DNAH2: variants seen among roughly 807,000 people sequenced by gnomAD.
The protein encoded by DNAH2 is dynein axonemal heavy chain 2.
Under a neutral mutation model 523.5 loss-of-function variants are expected in DNAH2, and 323 were observed. That is an observed-to-expected ratio of 0.62 (90% CI 0.56 to 0.68). The LOEUF is 0.68. Ranked by LOEUF, DNAH2 falls within the 30% of genes least tolerant of loss-of-function variation. The pLI, the probability that DNAH2 is intolerant of heterozygous loss-of-function variation, is 0.00. For missense variants in DNAH2, 4,907 were observed against 5,701.5 expected (o/e 0.86, Z 4.49); for synonymous variants, 2,093 against 2,177.4 (o/e 0.96, Z 1.08).
Position 7,798,068 on chromosome 17 carries a change from T to G in DNAH2, c.8231-89T>G. ...TACCTCTTGGTTCCTCTGCTTCAGT[T>G]TCAGGGGCCCCAATCCCTAGCCTAG... On this transcript the variant is annotated intron_variant, in intron 53 of 85. Coordinates refer to ENST00000572933, the MANE Select transcript of DNAH2 (RefSeq NM_020877.5). The surrounding 1 kb of genome is among the most constrained non-coding windows in gnomAD (Gnocchi z 5.5). The G allele has an allele frequency of 6.7e-7, 1 of 1,488,152 alleles. No homozygotes were observed. The highest frequency in any genetic ancestry group is 8.9e-7 in the Non-Finnish European group (1 of 1,117,576). The allele number at this position is 1,488,152 out of a possible 1,614,324, so 92.2% of individuals were successfully genotyped here.
At chr17:7,777,920 T>A (rs1353508754) in intron 33 of DNAH2, among the ~76,000 whole-genome samples, 157 bp from the exon 34 acceptor site, 1 of 152,160 alleles carries the variant, frequency 6.6e-6, no homozygotes, top group Non-Finnish European at 1.5e-5. Flanking sequence ...TTTTCCATCT[T>A]GCCCATAAAC....
At chr17:7,808,399 G>A (rs546908201) in intron 63 of DNAH2, among the ~76,000 whole-genome samples, 2 of 151,154 alleles carry the variant, frequency 1.3e-5, no homozygotes, top group East Asian at 1.9e-4. Context: ...GCATGCATAA[G>A]TGACTCCTGA....
At chr17:7,727,316 C>A in intron 4 of DNAH2, 24 bp downstream of exon 4, 1 of 1,590,318 alleles carries the variant, frequency 6.3e-7, no homozygotes, top group South Asian at 1.2e-5. Context: ...ATTCCCAGAT[C>A]AAAGGTGGTC....
chr17:7,766,286 G>T, intron 21 of DNAH2, 32 bp from the exon 22 acceptor site: 2 of 1,601,848 alleles, frequency 1.2e-6, no homozygotes, highest in Non-Finnish European at 8.5e-7. Flanking sequence ...GACGTGAGCG[G>T]GAAGCTGAGC....
rs145112814 is a variant in DNAH2 at position 7,778,174 on chromosome 17, C to A, written c.5345C>A (p.Thr1782Lys). Residue 1782 changes from threonine to lysine, a missense_variant, in exon 34 of 86, where the codon ACG becomes AAG. Around this residue, in one of 3 missense-constraint regions of DNAH2, gnomAD observed 2,806 missense variants for 3,190.8 expected, o/e 0.88. Transcript: ENST00000572933. ...NSGRLVITPL[T>K]DRCYMTLTTA... is the part of the protein sequence containing the mutation. Reference sequence around the variant, plus strand: ...GGCCGGCTCGTCATCACCCCCCTGACGGACAGGTCTGCCATGTGGGATGAA... The same window carrying A: ...GGCCGGCTCGTCATCACCCCCCTGAAGGACAGGTCTGCCATGTGGGATGAA... 2 of 1,614,110 alleles carry A rather than the reference C, an allele frequency of 1.2e-6. No homozygotes were observed. The highest frequency in any genetic ancestry group is 1.6e-4 in the Middle Eastern group (1 of 6,084).
At chr17:7,782,620 C>T (rs2076630489) in intron 39 of DNAH2, among the ~76,000 whole-genome samples, 1 of 152,030 alleles carries the variant, frequency 6.6e-6, no homozygotes, top group Non-Finnish European at 1.5e-5. Context: ...GAATGGGAGC[C>T]AGAAGAACAA....
At position 7,742,973 on chromosome 17, in the gene DNAH2, G is replaced by A; in HGVS notation, c.1735G>A (p.Glu579Lys). 6 of 1,489,300 alleles carry A rather than the reference G, an allele frequency of 4.0e-6. No individual in the cohort carries two copies. The highest frequency in any genetic ancestry group is 5.3e-6 in the Non-Finnish European group (6 of 1,122,104). The allele number at this position is 1,489,300 out of a possible 1,614,324, so 92.3% of individuals were successfully genotyped here. ...CCTGCCCCGTATTGGGACTGGAAAG[G>A]AGAGTGTGCACACCTATCAGCAGAT... is the stretch of plus-strand genomic sequence containing the variant. ...HFLPRIGTGK[E>K]SVHTYQQMVQ... is the part of the protein sequence containing the mutation. Residue 579 changes from glutamate to lysine, a missense_variant, in exon 12 of 86, where the codon GAG becomes AAG. Physicochemically the swap from Glu to Lys is moderately conservative, Grantham distance 56 (BLOSUM62 1). Coordinates refer to ENST00000572933, the MANE Select transcript of DNAH2 (RefSeq NM_020877.5).
intron 31 of DNAH2, among the ~76,000 whole-genome samples, chr17:7,776,494 G>T (rs1326790313): frequency 1.3e-5 from 2 of 151,940 alleles, no homozygotes; most frequent in African/African-American, 4.8e-5. Context: ...AAGAAATGAA[G>T]AAATGAGGGA....
At chr17:7,727,585 A>G (rs371397559) in intron 4 of DNAH2, among the ~76,000 whole-genome samples, 48 of 152,086 alleles carry the variant, frequency 3.2e-4, no homozygotes, top group African/African-American at 9.4e-4. Flanking sequence ...GTGAAACCCC[A>G]TCTCTACTAA....
chr17:7,793,143 C>T lies in DNAH2; in HGVS notation c.7507C>T (p.Arg2503Cys), dbSNP rs139846922. ...FGSQPPLELIRLWIDYGFWYD... is the reference protein window; with the variant it reads ...FGSQPPLELICLWIDYGFWYD... Reference sequence around the variant, plus strand: ...GTCCCAGCCACCCCTGGAGCTGATCCGCCTCTGGATTGACTATGGCTTCTG... The same window carrying T: ...GTCCCAGCCACCCCTGGAGCTGATCTGCCTCTGGATTGACTATGGCTTCTG... Residue 2503 changes from arginine (R) to cysteine (C), a missense_variant, in exon 48 of 86, where the codon CGC becomes TGC. By Grantham distance (180) the Arg-to-Cys change is radical. Transcript: ENST00000572933. The T allele has an allele frequency of 6.8e-6, 11 of 1,614,080 alleles. No homozygotes were observed. Among genetic ancestry groups the T allele is most frequent in the South Asian group, 5.5e-5 (5 of 91,092 alleles).
At chr17:7,768,966 G>A (rs1286261167) in intron 24 of DNAH2, among the ~76,000 whole-genome samples, 1 of 152,120 alleles carries the variant, frequency 6.6e-6, no homozygotes, top group Non-Finnish European at 1.5e-5. Context: ...CACTTAGGGT[G>A]ATTCCACATC....
Position 7,770,776 on chromosome 17 carries a change from C to T in DNAH2, c.4205C>T (p.Ala1402Val). Reference sequence around the variant, plus strand: ...AGAGGTACAGAAGAAGTATTCCAGGCACTGGAAGATAACCAGGTAGCTCTG... The same window carrying T: ...AGAGGTACAGAAGAAGTATTCCAGGTACTGGAAGATAACCAGGTAGCTCTG... ...RLRGTEEVFQALEDNQVALST... is the reference protein window; with the variant it reads ...RLRGTEEVFQVLEDNQVALST... The change falls in exon 27 of 86, where the codon GCA (alanine) becomes GTA (valine). Residue 1402 changes from alanine (A) to valine (V), a missense_variant. Ala to Val is a moderately conservative substitution (Grantham distance 64). This residue lies in a region of DNAH2 where 2,806 missense variants were observed against 3,190.8 expected (regional missense o/e 0.88). Coordinates refer to ENST00000572933, the MANE Select transcript of DNAH2 (RefSeq NM_020877.5). 6.2e-7 allele frequency: 1 copy of T among 1,614,124 alleles called. No homozygotes were observed.
In DNAH2 at chr17:7,821,486, A is replaced by C. The variant is rs2077854147; in HGVS notation, c.11142+117A>C. 1.4e-6 allele frequency: 2 copies of C among 1,381,700 alleles called. No homozygotes were observed. The highest frequency in any genetic ancestry group is 2.6e-5 in the East Asian group (1 of 38,358). The allele number at this position is 1,381,700 out of a possible 1,614,324, so 85.6% of individuals were successfully genotyped here. ...GCCCACAGCATCAGTGAGTGAGCTG[A>C]GAAAATCCAGGCCAGCATCAGGTGC... On this transcript the variant is annotated intron_variant, in intron 73 of 85. Transcript: ENST00000572933. The surrounding 1 kb of genome is among the most constrained non-coding windows in gnomAD (Gnocchi z 5.0).
At chr17:7,721,464 G>A (rs1411436496) in intron 2 of DNAH2, among the ~76,000 whole-genome samples, 11 of 152,058 alleles carry the variant, frequency 7.2e-5, no homozygotes, top group South Asian at 2.1e-4. Context: ...GTGAGCCACC[G>A]CACCCAGTCT....
At chr17:7,733,065 T>C in intron 4 of DNAH2, 22 bp from the exon 5 acceptor site, 1 of 1,611,134 alleles carries the variant, frequency 6.2e-7, no homozygotes, top group Non-Finnish European at 8.5e-7. Flanking sequence ...GACTGAACTC[T>C]GATCTGCTGT....
At chr17:7,739,604 CTTCT>C in intron 8 of DNAH2, 125 bp from the exon 9 acceptor site, 11 of 904,286 alleles carry the variant, frequency 1.2e-5, no homozygotes, top group Non-Finnish European at 1.5e-5. Context: ...ATATTTTCTT[CTTCT>C]TTTTTTTTTT....
Position 7,831,643 on chromosome 17 carries a change from C to G in DNAH2, c.12612-18C>G. On this transcript the variant is annotated intron_variant, in intron 81 of 85. Coordinates refer to ENST00000572933, the MANE Select transcript of DNAH2 (RefSeq NM_020877.5). The surrounding 1 kb of genome is among the most constrained non-coding windows in gnomAD (Gnocchi z 4.2). Reference sequence around the variant, plus strand: ...CCAGGCCCACCTCATCTCTAACACTCCACCTCATCCTGCTCAGGTTCTCAC... The same window carrying G: ...CCAGGCCCACCTCATCTCTAACACTGCACCTCATCCTGCTCAGGTTCTCAC... 6.2e-7 allele frequency: 1 copy of G among 1,613,576 alleles called. No individual in the cohort carries two copies.
intron 12 of DNAH2, among the ~76,000 whole-genome samples, chr17:7,753,510 GC>G (rs1325236535): frequency 6.6e-6 from 1 of 152,184 alleles, no homozygotes; most frequent in South Asian, 2.1e-4. Flanking sequence ...TGTATCCCCA[GC>G]GCCTAGCTGA....
At position 7,786,433 on chromosome 17, in the gene DNAH2, C is replaced by T. The variant is rs1418442314; in HGVS notation, c.6348+91C>T. ...GGGGCCAGGGAGGACCTTGCAAGGC[C>T]GGGAGAGCTGTACCTGGGACCATGG... is the stretch of plus-strand genomic sequence containing the variant. On this transcript the variant is annotated intron_variant, in intron 40 of 85. Transcript: ENST00000572933. The surrounding 1 kb of genome is among the most constrained non-coding windows in gnomAD (Gnocchi z 7.5). 2.4e-5 allele frequency: 36 copies of T among 1,505,258 alleles called. No homozygotes were observed. Among genetic ancestry groups the T allele is most frequent in the Non-Finnish European group, 2.8e-5 (31 of 1,108,448 alleles). The allele number at this position is 1,505,258 out of a possible 1,614,324, so 93.2% of individuals were successfully genotyped here.
Sources: gnomAD v4.1 joint callset for allele counts (sites outside exome capture counted in the v4.1 genomes callset) on GRCh38, gnomAD v4.1.1 for gene constraint, gnomAD v4.1.1 regional missense constraint, Gnocchi (gnomAD v3.1) non-coding constraint, MANE v1.5 for transcripts, NCBI Gene and HGNC (gene_info 2026-07-23, HGNC 2026-07-21) for gene names.